The following GPHN variants were observed in gnomAD, a reference collection of about 807,000 sequenced individuals.
The protein encoded by GPHN is gephyrin.
In GPHN, 17 loss-of-function variants were observed where a neutral mutation model predicts 95.5. That is an observed-to-expected ratio of 0.18 (90% CI 0.12 to 0.27). The LOEUF is 0.27. Ranked by LOEUF, GPHN falls within the 10% of genes least tolerant of loss-of-function variation. The pLI, the probability that GPHN is intolerant of heterozygous loss-of-function variation, is 1.00. For missense variants in GPHN, 660 were observed against 978.1 expected, an observed-to-expected ratio of 0.67 and a Z score of 4.34; for synonymous variants, 320 against 322.5, an observed-to-expected ratio of 0.99 and a Z score of 0.08.
chr14:67,146,803 G>A (rs1272502803), intron 18 of GPHN, among the ~76,000 whole-genome samples: 1 of 152,222 alleles, frequency 6.6e-6, no homozygotes, highest in South Asian at 2.1e-4. Flanking sequence ...GGAGCCCAAG[G>A]TGGGCAGATT....
intron 1 of GPHN, among the ~76,000 whole-genome samples, chr14:66,581,766 G>T (rs897073097): frequency 2.0e-5 from 3 of 151,722 alleles, no homozygotes; most frequent in Non-Finnish European, 4.4e-5. Flanking sequence ...AGATGAAATA[G>T]AATTTAAATA....
the GPHN span, chr14:67,392,550 C>T: frequency 2.1e-5 from 26 of 1,213,908 alleles, 1 homozygote; most frequent in South Asian, 1.6e-4. Context: ...AGGATGAAGT[C>T]GTCCCCCAAG....
chr14:67,418,920 CA>C, the GPHN span, among the ~76,000 whole-genome samples: 2 of 152,206 alleles, frequency 1.3e-5, no homozygotes, highest in East Asian at 3.9e-4. Context: ...GGGCGCTCTG[CA>C]AGGCTTTGCT....
the GPHN span, among the ~76,000 whole-genome samples, chr14:67,496,590 G>C: frequency 6.6e-6 from 1 of 151,606 alleles, no homozygotes; most frequent in Non-Finnish European, 1.5e-5. Context: ...CGTGAGAGAG[G>C]TGTCCTCCCT....
chr14:67,225,967 GCGCGCGCGTGCGCA>G, the GPHN span, among the ~76,000 whole-genome samples: 264 of 147,882 alleles, frequency 1.8e-3, no homozygotes, highest in African/African-American at 5.7e-3. Context: ...GTGTGTGCGC[GCGCGCGCGTGCGCA>G]TGCGCGTGCA....
the GPHN span, among the ~76,000 whole-genome samples, chr14:67,194,054 G>T: frequency 6.6e-6 from 1 of 151,174 alleles, no homozygotes; most frequent in Non-Finnish European, 1.5e-5. Flanking sequence ...CTTGAATACT[G>T]TCTCCAGATA....
intron 5 of GPHN, among the ~76,000 whole-genome samples, chr14:66,897,428 G>A (rs2064908158): frequency 6.6e-6 from 1 of 151,988 alleles, no homozygotes; most frequent in Non-Finnish European, 1.5e-5. Context: ...GCTCTCCATA[G>A]TGGCTGTACT....
At chr14:66,520,868 C>T (rs1165962709) in intron 1 of GPHN, among the ~76,000 whole-genome samples, 4 of 152,054 alleles carry the variant, frequency 2.6e-5, no homozygotes. Context: ...CACCCCCTAC[C>T]CTCAAGCAGG....
At chr14:67,600,444 A>T in the GPHN span, among the ~76,000 whole-genome samples, 2 of 152,110 alleles carry the variant, frequency 1.3e-5, no homozygotes, top group African/African-American at 4.8e-5. Flanking sequence ...GAAAGATTAA[A>T]ATCGTTTTTA....
chr14:67,599,889 C>G, the GPHN span: 1 of 669,498 alleles, frequency 1.5e-6, no homozygotes, highest in Admixed American at 3.2e-5. Context: ...CCCCAGAACC[C>G]GTGAGTTCCC....
Position 67,167,866 on chromosome 14 carries a change from A to G in GPHN, c.1976-1067A>G, listed in dbSNP as rs576051607. Reference sequence around the variant, plus strand: ...GATCAGACAGCTTGGTTAGATAATAATGCCACACAAGAAATCAAATCTGTT... The same window carrying G: ...GATCAGACAGCTTGGTTAGATAATAGTGCCACACAAGAAATCAAATCTGTT... On this transcript the variant is annotated intron_variant, in intron 20 of 22. Transcript: ENST00000478722. 9.4e-4 allele frequency among the ~76,000 whole-genome samples: 143 copies of G among 152,230 alleles called. 1 individual carries two copies. Among genetic ancestry groups the G allele is most frequent in the Non-Finnish European group, 1.8e-3 (123 of 68,038 alleles).
At chr14:67,142,590 T>G (rs1250190987) in intron 17 of GPHN, among the ~76,000 whole-genome samples, 5 of 152,254 alleles carry the variant, frequency 3.3e-5, no homozygotes, top group Admixed American at 3.3e-4. Flanking sequence ...ATACCATCTC[T>G]GCTTTCCTTG....
At chr14:67,359,555 T>C in the GPHN span, 1 of 1,325,604 alleles carries the variant, frequency 7.5e-7, no homozygotes, top group Non-Finnish European at 1.1e-6. Flanking sequence ...AAGCTCAGGA[T>C]CCTCCCAGGA....
the GPHN span, chr14:67,587,008 A>G: frequency 1.3e-6 from 2 of 1,527,648 alleles, no homozygotes; most frequent in Non-Finnish European, 8.9e-7. Context: ...AAGAGCTAAT[A>G]AGTAAGAAAG....
At chr14:66,746,309 C>A (rs1030862144) in intron 2 of GPHN, among the ~76,000 whole-genome samples, 1 of 152,096 alleles carries the variant, frequency 6.6e-6, no homozygotes, top group African/African-American at 2.4e-5. Context: ...ATTGTCTTAT[C>A]CCATGTGAAT....
chr14:67,272,690 G>A, the GPHN span, among the ~76,000 whole-genome samples: 1 of 151,970 alleles, frequency 6.6e-6, no homozygotes, highest in African/African-American at 2.4e-5. Context: ...ACAGAGTCTC[G>A]CGCTGTCTCC....
At chr14:67,144,250 A>C (rs987481979) in intron 18 of GPHN, among the ~76,000 whole-genome samples, 48 of 57,746 alleles carry the variant, frequency 8.3e-4, no homozygotes, top group African/African-American at 2.9e-3. Context: ...AAAAAAAAAA[A>C]ATATATATAT....
chr14:67,038,891 TGGAACCCTCTGC>T (rs1174025243), intron 10 of GPHN, among the ~76,000 whole-genome samples: 1 of 152,162 alleles, frequency 6.6e-6, no homozygotes, highest in African/African-American at 2.4e-5. Flanking sequence ...CAGTCAGTCA[TGGAACCCTCTGC>T]TGCAGCTCTT....
intron 3 of GPHN, among the ~76,000 whole-genome samples, chr14:66,798,118 A>G (rs1052080944): frequency 1.3e-5 from 2 of 152,064 alleles, no homozygotes; most frequent in Non-Finnish European, 2.9e-5. Flanking sequence ...GATATGATGT[A>G]TTACATTGAC....
Sources: allele counts gnomAD v4.1 joint callset (sites outside exome capture counted in the v4.1 genomes callset), GRCh38; gene constraint gnomAD v4.1.1; transcripts MANE v1.5; gene names NCBI Gene and HGNC (gene_info 2026-07-23, HGNC 2026-07-21).